HACD4: variants seen among roughly 807,000 people sequenced by gnomAD.
HACD4 encodes 3-hydroxyacyl-CoA dehydratase 4.
HACD4 carries 35 observed loss-of-function variants against 33.3 expected under a neutral mutation model. The observed-to-expected ratio is 1.05, with a 90% CI of 0.80 to 1.39. HACD4 has a LOEUF of 1.39. HACD4 is among the 40% of genes most tolerant of loss of function. The pLI is 0.00. For missense variants in HACD4, 323 were observed against 276.5 expected (o/e 1.17, Z -1.19); for synonymous variants, 118 against 98.0 (o/e 1.20, Z -1.21).
intron 1 of HACD4, 29 bp from the exon 2 acceptor site, chr9:21,029,427 A>G (rs370959089): frequency 1.4e-5 from 18 of 1,327,828 alleles, no homozygotes; most frequent in Non-Finnish European, 1.7e-5. Context: ...ACCATTAAAC[A>G]CTTCTTTTAT....
intron 1 of HACD4, 110 bp downstream of exon 1, chr9:21,031,443 C>G (rs1466530697): frequency 3.0e-6 from 4 of 1,342,986 alleles, no homozygotes; most frequent in Non-Finnish European, 3.8e-6. Flanking sequence ...AGCGCTGCGC[C>G]TTGCTGGCGG....
intron 3 of HACD4, among the ~76,000 whole-genome samples, chr9:21,022,790 C>T (rs1367521518): frequency 8.5e-5 from 13 of 152,086 alleles, no homozygotes; most frequent in South Asian, 6.2e-4. Context: ...CTAGTTCAAC[C>T]GTTGTGGAAG....
intron 2 of HACD4, among the ~76,000 whole-genome samples, chr9:21,027,516 G>C (rs147563911): frequency 6.6e-6 from 1 of 152,032 alleles, no homozygotes; most frequent in African/African-American, 2.4e-5. Flanking sequence ...TTCTCTTCTC[G>C]GCAGCTCCAC....
At chr9:21,030,168 C>T (rs920945247) in intron 1 of HACD4, among the ~76,000 whole-genome samples, 2 of 149,466 alleles carry the variant, frequency 1.3e-5, no homozygotes, top group Admixed American at 6.8e-5. Context: ...AGGCTGGGCG[C>T]GGTGGCTCAG....
At chr9:21,020,195 A>C (rs1489720890) in intron 3 of HACD4, among the ~76,000 whole-genome samples, 6 of 151,174 alleles carry the variant, frequency 4.0e-5, no homozygotes, top group African/African-American at 1.5e-4. Context: ...AAATTGAGTA[A>C]AAATGTGTAA....
At position 21,008,028 on chromosome 9, in the gene HACD4, G is replaced by A; in HGVS notation, c.609C>T (p.Leu203=). The change falls in exon 6 of 7, where the codon CTC becomes CTT. Residue 203 remains leucine, a synonymous_variant. Coordinates refer to ENST00000495827, the MANE Select transcript of HACD4 (RefSeq NM_001010915.5). Reference sequence around the variant, plus strand: ...ACCAAAAAAGCCACTTACCTATAAAGAGCATCATGAGATATATTTTCAGCA... The same window carrying A: ...ACCAAAAAAGCCACTTACCTATAAAAAGCATCATGAGATATATTTTCAGCA... The part of the protein sequence containing the change: ...PYVLKIYLMM[L]FIGMYFTYSH... The A allele has an allele frequency of 6.3e-7, 1 of 1,597,864 alleles. No individual in the cohort carries two copies. Among genetic ancestry groups the A allele is most frequent in the Non-Finnish European group, 8.5e-7 (1 of 1,173,460 alleles).
rs1356327727 is a variant in HACD4, at chr9:21,005,400, G to A, written c.*1637C>T. On this transcript the variant is annotated 3_prime_UTR_variant, in exon 7 of 7. Transcript: ENST00000495827. The surrounding 1 kb of genome is among the most constrained non-coding windows in gnomAD (Gnocchi z 4.0). ...AGAACACTAAGAGTGTAGCAGACAA[G>A]TCATCCAATTAGATTTATGTGGGTG... is the stretch of plus-strand genomic sequence containing the variant. The A allele has an allele frequency of 1.3e-5, 2 of 152,178 alleles. No individual in the cohort carries two copies. The highest frequency in any genetic ancestry group is 4.8e-5 in the African/African-American group (2 of 41,442). 9.4% of individuals were successfully genotyped at this position (152,178 alleles called of 1,614,324 possible).
At chr9:21,011,482 G>C in intron 5 of HACD4, 107 bp downstream of exon 5, 1 of 714,676 alleles carries the variant, frequency 1.4e-6, no homozygotes, top group Non-Finnish European at 2.5e-6. Flanking sequence ...CACTGAGTGA[G>C]CTAAGCATTC....
Position 21,011,569 on chromosome 9 carries a change from G to C in HACD4, c.490+20C>G. ...ATGGCTTTTGTCAGTAAGCAATACA[G>C]CAAGTCACTCTTTTCTTACCTTCAG... On this transcript the variant is annotated intron_variant, in intron 5 of 6. Transcript: ENST00000495827. 2 of 1,422,682 alleles carry C rather than the reference G, an allele frequency of 1.4e-6. No individual in the cohort carries two copies. Among genetic ancestry groups the C allele is most frequent in the Non-Finnish European group, 2.0e-6 (2 of 1,007,640 alleles). 88.1% of individuals were successfully genotyped at this position (1,422,682 alleles called of 1,614,324 possible). A position where few individuals can be genotyped will look rare whatever the true frequency, so the allele number is the denominator to read the frequency against.
At chr9:21,029,658 T>C (rs760939333) in intron 1 of HACD4, among the ~76,000 whole-genome samples, 5 of 152,184 alleles carry the variant, frequency 3.3e-5, no homozygotes, top group Non-Finnish European at 7.3e-5. Flanking sequence ...GAAAATATCA[T>C]AAACTGAAAA....
At chr9:21,023,112 G>C (rs553180523) in intron 3 of HACD4, among the ~76,000 whole-genome samples, 4 of 149,978 alleles carry the variant, frequency 2.7e-5, no homozygotes, top group African/African-American at 4.9e-5. Context: ...GCAAACTATC[G>C]CAAGGACAGA....
intron 3 of HACD4, among the ~76,000 whole-genome samples, chr9:21,023,483 T>C (rs1817981057): frequency 6.6e-6 from 1 of 152,164 alleles, no homozygotes; most frequent in African/African-American, 2.4e-5. Flanking sequence ...CTCAACTAGC[T>C]AATCAGTTCC....
chr9:21,011,288 T>C (rs2275883), intron 5 of HACD4, among the ~76,000 whole-genome samples: 66,560 of 151,986 alleles, frequency 0.44, 14,857 homozygotes, highest in South Asian at 0.51. Flanking sequence ...AAATGTTAAC[T>C]TCTTTTTGGT....
intron 3 of HACD4, among the ~76,000 whole-genome samples, chr9:21,016,745 G>A (rs1029352431): frequency 6.6e-6 from 1 of 151,680 alleles, no homozygotes; most frequent in Non-Finnish European, 1.5e-5. Flanking sequence ...AAGACAGGCT[G>A]AGAAATTTCA....
At chr9:21,018,556 T>C (rs1564275840) in intron 3 of HACD4, among the ~76,000 whole-genome samples, 1 of 152,204 alleles carries the variant, frequency 6.6e-6, no homozygotes, top group Non-Finnish European at 1.5e-5. Flanking sequence ...AAAAGGCTTT[T>C]AATATTTATC....
intron 3 of HACD4, among the ~76,000 whole-genome samples, chr9:21,016,782 C>T (rs1216076380): frequency 6.7e-6 from 1 of 148,420 alleles, no homozygotes; most frequent in Admixed American, 6.7e-5. Flanking sequence ...AAACTTGTAG[C>T]TTTTTTTTTT....
intron 1 of HACD4, among the ~76,000 whole-genome samples, chr9:21,029,978 C>T (rs1371447539): frequency 6.6e-6 from 1 of 152,174 alleles, no homozygotes; most frequent in Non-Finnish European, 1.5e-5. Context: ...TTCACACCAT[C>T]ACAAAGTTTA....
chr9:21,010,456 A>ATACCCCCCCCCCCCCC (rs1353043927), intron 5 of HACD4, among the ~76,000 whole-genome samples: 1 of 105,006 alleles, frequency 9.5e-6, no homozygotes, highest in Non-Finnish European at 1.9e-5. Context: ...ACATCCTGGT[A>ATACCCCCCCCCCCCCC]CCCCCCCCCC....
chr9:21,011,520 A>C (rs1442836391), intron 5 of HACD4, 69 bp downstream of exon 5: 9 of 922,536 alleles, frequency 9.8e-6, no homozygotes, highest in Admixed American at 1.9e-5. Context: ...ATCATCAAAA[A>C]ATTTAGTGAA....
Sources: gnomAD v4.1 joint callset for allele counts (sites outside exome capture counted in the v4.1 genomes callset) on GRCh38, gnomAD v4.1.1 for gene constraint, Gnocchi (gnomAD v3.1) non-coding constraint, MANE v1.5 for transcripts, NCBI Gene and HGNC (gene_info 2026-07-23, HGNC 2026-07-21) for gene names.